LRP1B: variants seen among roughly 807,000 people sequenced by gnomAD.
The protein encoded by LRP1B is LDL receptor related protein 1B.
A neutral mutation model predicts 556.6 loss-of-function variants in LRP1B; 217 were observed. The observed-to-expected ratio is 0.39, with a 90% CI of 0.35 to 0.44. The LOEUF is 0.44. LRP1B is among the 20% of genes least tolerant of loss of function. The pLI, the probability that LRP1B is intolerant of heterozygous loss-of-function variation, is 1.00. For missense variants in LRP1B, 5,053 were observed against 5,620.8 expected (o/e 0.90, Z 3.23); for synonymous variants, 2,047 against 1,865.8 (o/e 1.10, Z -2.50).
intron 3 of LRP1B, among the ~76,000 whole-genome samples, chr2:141,259,870 A>C (rs1013174415): frequency 1.3e-5 from 2 of 151,332 alleles, no homozygotes; most frequent in Admixed American, 1.3e-4. Context: ...TATTGCTGAC[A>C]CATAGTAACT....
chr2:140,967,716 C>A (rs1696276071), intron 18 of LRP1B, among the ~76,000 whole-genome samples: 1 of 151,938 alleles, frequency 6.6e-6, no homozygotes, highest in Admixed American at 6.6e-5. Flanking sequence ...TATGTCCCAT[C>A]AATACCTAAT....
At chr2:140,827,427 AT>A (rs1177773757) in intron 31 of LRP1B, among the ~76,000 whole-genome samples, 2 of 151,996 alleles carry the variant, frequency 1.3e-5, no homozygotes, top group African/African-American at 4.8e-5. Context: ...TAAAATAATA[AT>A]TTTTAAAAAT....
At chr2:140,508,941 A>G (rs976272164) in intron 52 of LRP1B, among the ~76,000 whole-genome samples, 2 of 152,080 alleles carry the variant, frequency 1.3e-5, no homozygotes, top group Non-Finnish European at 2.9e-5. Flanking sequence ...AGACACACAT[A>G]TCAGTTTCAA....
chr2:140,902,903 A>G lies in LRP1B; in HGVS notation c.3766+17T>C. On this transcript the variant is annotated intron_variant, in intron 23 of 90. Coordinates refer to ENST00000389484, the MANE Select transcript of LRP1B (RefSeq NM_018557.3). ...TCTATTCTTAAATATAGCAACACACACAAAATAGTTACTTACCAACACTTG... is the reference window on the plus strand; with the variant it reads ...TCTATTCTTAAATATAGCAACACACGCAAAATAGTTACTTACCAACACTTG... The G allele has an allele frequency of 6.2e-7, 1 of 1,610,172 alleles. No individual in the cohort carries two copies. Among genetic ancestry groups the G allele is most frequent in the Non-Finnish European group, 8.5e-7 (1 of 1,176,984 alleles).
At chr2:140,646,769 T>C (rs1300552920) in intron 41 of LRP1B, among the ~76,000 whole-genome samples, 2 of 152,118 alleles carry the variant, frequency 1.3e-5, no homozygotes, top group African/African-American at 4.8e-5. Context: ...GCATCATTCC[T>C]AGATATATAT....
chr2:140,898,778 A>G (rs1045173555), intron 23 of LRP1B: 11 of 577,114 alleles, frequency 1.9e-5, no homozygotes, highest in African/African-American at 1.7e-4. Flanking sequence ...CTGGGAACCA[A>G]CTGGGAGCGC....
At chr2:141,762,745 C>A (rs1694602812) in intron 2 of LRP1B, among the ~76,000 whole-genome samples, 1 of 152,190 alleles carries the variant, frequency 6.6e-6, no homozygotes, top group East Asian at 1.9e-4. Flanking sequence ...ACTTGCGTGA[C>A]TATAGTGTTT....
intron 4 of LRP1B, among the ~76,000 whole-genome samples, chr2:141,253,788 A>C (rs1379228952): frequency 6.6e-6 from 1 of 152,046 alleles, no homozygotes; most frequent in African/African-American, 2.4e-5. Context: ...ACACACTCAC[A>C]CACGCGGAAG....
intron 2 of LRP1B, among the ~76,000 whole-genome samples, chr2:141,776,761 A>C (rs1695092425): frequency 6.6e-6 from 1 of 152,248 alleles, no homozygotes; most frequent in South Asian, 2.1e-4. Context: ...GAGATGCTAT[A>C]CTTGAAGTGC....
At chr2:140,428,893 T>C (rs558935335) in intron 66 of LRP1B, among the ~76,000 whole-genome samples, 33 of 152,276 alleles carry the variant, frequency 2.2e-4, no homozygotes, top group African/African-American at 7.5e-4. Flanking sequence ...CCAGTTCCCT[T>C]ATTAGGCTGA....
chr2:141,611,871 C>T (rs1373025815), intron 2 of LRP1B, among the ~76,000 whole-genome samples: 1 of 152,136 alleles, frequency 6.6e-6, no homozygotes, highest in East Asian at 1.9e-4. Context: ...TTTGAGGAAA[C>T]AGGACACAGC....
rs1689493887 is a variant in LRP1B, at chr2:140,776,226, C to A, written c.5372G>T (p.Trp1791Leu). 5.0e-6 allele frequency: 8 copies of A among 1,589,308 alleles called. No individual in the cohort carries two copies. The highest frequency in any genetic ancestry group is 6.8e-6 in the Non-Finnish European group (8 of 1,169,414). Residue 1791 changes from tryptophan to leucine, a missense_variant, in exon 33 of 91, where the codon TGG (tryptophan) becomes TTG (leucine). By Grantham distance (61) the Trp-to-Leu change is moderately conservative. This residue lies in a region of LRP1B where 3,619 missense variants were observed against 3,931.9 expected (regional missense o/e 0.92). Coordinates refer to ENST00000389484, the MANE Select transcript of LRP1B (RefSeq NM_018557.3). The part of the protein sequence containing the change: ...TALTIMDKKL[W>L]WADQNLAQLG... ...CTGGGCTAAGTTTTGGTCTGCCCAC[C>A]ACAGTTTCTTATCTAGAAAAAGGAA...
chr2:142,016,764 C>T (rs62157625), intron 1 of LRP1B, among the ~76,000 whole-genome samples: 11,240 of 151,174 alleles, frequency 0.074, 594 homozygotes, highest in Non-Finnish European at 0.11. Flanking sequence ...CACCATGGCA[C>T]GTGTATACCT....
chr2:140,736,847 C>T (rs144071285), intron 35 of LRP1B, among the ~76,000 whole-genome samples: 9 of 152,264 alleles, frequency 5.9e-5, no homozygotes, highest in Non-Finnish European at 1.0e-4. Flanking sequence ...TCACCCCCTA[C>T]TGCCTGAAAT....
intron 1 of LRP1B, among the ~76,000 whole-genome samples, chr2:141,968,874 G>A (rs1390077737): frequency 6.6e-6 from 1 of 151,444 alleles, no homozygotes; most frequent in African/African-American, 2.4e-5. Context: ...ATTATTAATC[G>A]GCTCTCAAAA....
intron 43 of LRP1B, among the ~76,000 whole-genome samples, chr2:140,573,488 C>T (rs1243011690): frequency 6.6e-6 from 1 of 151,742 alleles, no homozygotes; most frequent in Non-Finnish European, 1.5e-5. Context: ...CTAATCACCC[C>T]AAATTTGTAA....
In LRP1B at chr2:140,486,971, G is replaced by T. The variant is rs112002926; in HGVS notation, c.9243+646C>A. Among the ~76,000 whole-genome samples, 1,013 of 151,806 alleles carry T rather than the reference G, an allele frequency of 6.7e-3. 13 individuals carry two copies. Among genetic ancestry groups the T allele is most frequent in the African/African-American group, 0.023 (954 of 41,496 alleles). On this transcript the variant is annotated intron_variant, in intron 58 of 90. Transcript: ENST00000389484. ...TACAAAAAAGTTAAAGTAATTGATG[G>T]GTTTCATTCACTTGAATTTAAAACT...
At chr2:140,918,845 C>A (rs566594147) in intron 21 of LRP1B, among the ~76,000 whole-genome samples, 1 of 152,092 alleles carries the variant, frequency 6.6e-6, no homozygotes, top group South Asian at 2.1e-4. Flanking sequence ...TGATCTTGGA[C>A]TTCTCAGTCT....
At chr2:141,203,550 C>T (rs1006127226) in intron 6 of LRP1B, among the ~76,000 whole-genome samples, 4 of 148,652 alleles carry the variant, frequency 2.7e-5, no homozygotes, top group African/African-American at 9.9e-5. Flanking sequence ...TTTTAGAGAC[C>T]TACAAAGAGA....
Sources: gnomAD v4.1 joint callset for allele counts (sites outside exome capture counted in the v4.1 genomes callset) on GRCh38, gnomAD v4.1.1 for gene constraint, gnomAD v4.1.1 regional missense constraint, MANE v1.5 for transcripts, NCBI Gene and HGNC (gene_info 2026-07-23, HGNC 2026-07-21) for gene names.